Variants in NT5C3A observed in about 807,000 individuals in gnomAD.
NT5C3A encodes cytosolic 5'-nucleotidase 3A.
In NT5C3A, 23 loss-of-function variants were observed where a neutral mutation model predicts 40.0. The ratio of observed to expected loss-of-function variants is 0.58; its 90% CI spans 0.41 to 0.81. The LOEUF (loss-of-function observed/expected upper bound fraction) is 0.81, where lower values mean the gene tolerates loss of function less well. Among genes scored for constraint, NT5C3A ranks in the 40% least tolerant of loss-of-function variants. The pLI is 0.00. For synonymous variants in NT5C3A, 130 were observed against 141.4 expected (o/e 0.92, Z 0.57); for missense variants, 328 against 403.0 (o/e 0.81, Z 1.59).
Position 33,035,636 on chromosome 7 carries a change from A to G in NT5C3A, c.139-8721T>C, listed in dbSNP as rs12668520. ...TAAATTTGGAAACCTACAATAATGT[A>G]TTTCACACTGTACGATTTAAGTGTG... On this transcript the variant is annotated intron_variant, in intron 1 of 8. Transcript: ENST00000610140. 0.15 allele frequency among the ~76,000 whole-genome samples: 22,104 copies of G among 152,230 alleles called. 2,039 individuals carry two copies. The highest frequency in any genetic ancestry group is 0.27 in the East Asian group (1,396 of 5,178).
intron 1 of NT5C3A, among the ~76,000 whole-genome samples, chr7:33,040,337 T>A (rs1786852031): frequency 6.6e-6 from 1 of 152,242 alleles, no homozygotes; most frequent in Non-Finnish European, 1.5e-5. Context: ...TTTCAATATA[T>A]AATTTGTTAT....
intron 2 of NT5C3A, among the ~76,000 whole-genome samples, chr7:33,024,398 T>C (rs909241918): frequency 1.3e-5 from 2 of 152,240 alleles, no homozygotes; most frequent in Non-Finnish European, 2.9e-5. Flanking sequence ...TGCTGTCATC[T>C]GCAGCAACAT....
At position 33,014,649 on chromosome 7, in the gene NT5C3A, T is replaced by C; in HGVS notation, c.*81A>G. 3.2e-6 allele frequency: 5 copies of C among 1,575,684 alleles called. No homozygotes were observed. Among genetic ancestry groups the C allele is most frequent in the East Asian group, 2.3e-5 (1 of 44,062 alleles). On this transcript the variant is annotated 3_prime_UTR_variant, in exon 9 of 9. Transcript: ENST00000610140. ...ACACTTCGAGAGTAAGGATATATTA[T>C]AAATAAGTCTCTCAGCAAGATGAAC...
intron 1 of NT5C3A, chr7:33,036,196 A>T: frequency 1.8e-6 from 1 of 571,298 alleles, no homozygotes; most frequent in South Asian, 2.0e-5. Context: ...TGGATAATCC[A>T]TTCAAGGAAG....
At chr7:33,028,780 GCA>G (rs1452489880) in intron 1 of NT5C3A, among the ~76,000 whole-genome samples, 1 of 152,132 alleles carries the variant, frequency 6.6e-6, no homozygotes. Flanking sequence ...AAGAGGCCGG[GCA>G]CAGTGGCTCA....
intron 7 of NT5C3A, among the ~76,000 whole-genome samples, chr7:33,016,367 C>CT (rs1785326869): frequency 7.3e-6 from 1 of 136,526 alleles, no homozygotes. Flanking sequence ...GAGTGAGACT[C>CT]TGTCTCAAAA....
intron 5 of NT5C3A, 63 bp downstream of exon 5, chr7:33,021,209 T>C: frequency 6.3e-7 from 1 of 1,599,868 alleles, no homozygotes; most frequent in Non-Finnish European, 8.5e-7. Context: ...AAGCCATCAG[T>C]TGTAACTGCA....
intron 4 of NT5C3A, 41 bp from the exon 5 acceptor site, chr7:33,021,398 A>C: frequency 6.3e-7 from 1 of 1,598,384 alleles, no homozygotes; most frequent in Non-Finnish European, 8.6e-7. Context: ...GATTACTTGA[A>C]AATAAATCTG....
chr7:33,051,091 T>C (rs1219729557), intron 1 of NT5C3A, among the ~76,000 whole-genome samples: 2 of 152,198 alleles, frequency 1.3e-5, no homozygotes, highest in Non-Finnish European at 2.9e-5. Context: ...GGACTTAAGA[T>C]TCTTTATATA....
intron 1 of NT5C3A, among the ~76,000 whole-genome samples, chr7:33,038,276 A>G (rs1168320467): frequency 6.6e-6 from 1 of 152,180 alleles, no homozygotes; most frequent in East Asian, 1.9e-4. Flanking sequence ...AGAATTAAAC[A>G]CATTTTAATA....
At chr7:33,052,279 T>C (rs897309650) in intron 1 of NT5C3A, among the ~76,000 whole-genome samples, 1 of 151,670 alleles carries the variant, frequency 6.6e-6, no homozygotes, top group Non-Finnish European at 1.5e-5. Context: ...AGGTCAGGAG[T>C]TCGAGACCAG....
At chr7:33,023,995 T>C (rs777598114) in intron 3 of NT5C3A, 44 bp downstream of exon 3, 34 of 1,129,558 alleles carry the variant, frequency 3.0e-5, no homozygotes, top group Middle Eastern at 2.0e-4. Flanking sequence ...CTTAAAATAA[T>C]GATGACATGC....
chr7:33,055,820 TAA>T (rs1335493663), intron 1 of NT5C3A, among the ~76,000 whole-genome samples: 2 of 152,190 alleles, frequency 1.3e-5, no homozygotes, highest in Non-Finnish European at 2.9e-5. Context: ...AACTAATTTT[TAA>T]AGAGACCAGC....
rs189507960 is a variant in NT5C3A, at chr7:33,060,659, C to G, written c.138+1909G>C. On this transcript the variant is annotated intron_variant, in intron 1 of 8. Coordinates refer to ENST00000610140, the MANE Select transcript of NT5C3A (RefSeq NM_001002010.5). The stretch of plus-strand genomic sequence containing the variant: ...AGGCCCAACTTGGTTAGGTAGTTAA[C>G]TCCGTTAGCTGTGACCAATATGAGC... Among the ~76,000 whole-genome samples, 11 of 152,258 alleles carry G rather than the reference C, an allele frequency of 7.2e-5. No individual in the cohort carries two copies. The East Asian group carries it at 2.1e-3, about 29-fold the overall frequency.
chr7:33,016,669 CAAAAAA>C (rs386409862), intron 7 of NT5C3A, among the ~76,000 whole-genome samples: 2 of 91,882 alleles, frequency 2.2e-5, no homozygotes, highest in Admixed American at 2.3e-4. Flanking sequence ...GACTCCCTCT[CAAAAAA>C]AAAAAAAAAA....
intron 3 of NT5C3A, 57 bp downstream of exon 3, chr7:33,023,982 G>T: frequency 9.9e-7 from 1 of 1,005,848 alleles, no homozygotes; most frequent in Non-Finnish European, 1.6e-6. Context: ...ATATAAAGAG[G>T]ATCTTAAAAT....
chr7:33,055,903 G>A (rs1787550030), intron 1 of NT5C3A, among the ~76,000 whole-genome samples: 2 of 152,142 alleles, frequency 1.3e-5, no homozygotes, highest in African/African-American at 4.8e-5. Context: ...TTGAGCCCAG[G>A]ATTTTGAGAC....
intron 1 of NT5C3A, among the ~76,000 whole-genome samples, chr7:33,051,315 C>T (rs1330752260): frequency 6.6e-6 from 1 of 152,010 alleles, no homozygotes; most frequent in Non-Finnish European, 1.5e-5. Context: ...AGGCATCTGC[C>T]ACCACTCCCA....
At chr7:33,046,770 C>T (rs549396184) in intron 1 of NT5C3A, among the ~76,000 whole-genome samples, 74 of 151,096 alleles carry the variant, frequency 4.9e-4, no homozygotes, top group African/African-American at 1.7e-3. Context: ...TTTCAAATGC[C>T]ATATGTTTGA....
Sources: gnomAD v4.1 joint callset for allele counts (sites outside exome capture counted in the v4.1 genomes callset) on GRCh38, gnomAD v4.1.1 for gene constraint, MANE v1.5 for transcripts, NCBI Gene and HGNC (gene_info 2026-07-23, HGNC 2026-07-21) for gene names.